IMMT: variants seen among roughly 807,000 people sequenced by gnomAD.
IMMT encodes MICOS complex subunit MIC60.
IMMT carries 40 observed loss-of-function variants against 92.7 expected under a neutral mutation model. The ratio of observed to expected loss-of-function variants is 0.43; its 90% CI spans 0.34 to 0.56. IMMT has a LOEUF of 0.56. Among genes scored for constraint, IMMT ranks in the 20% least tolerant of loss-of-function variants. The pLI, the probability that IMMT is intolerant of heterozygous loss-of-function variation, is 0.03. For missense variants in IMMT, 831 were observed against 912.1 expected (o/e 0.91, Z 1.14); for synonymous variants, 322 against 336.1 (o/e 0.96, Z 0.46).
At chr2:86,169,731 C>T (rs567470750) in intron 6 of IMMT, among the ~76,000 whole-genome samples, 10 of 148,552 alleles carry the variant, frequency 6.7e-5, no homozygotes, top group Admixed American at 2.0e-4. Flanking sequence ...CCTGACCTAC[C>T]GAGGACAGCA....
intron 6 of IMMT, among the ~76,000 whole-genome samples, chr2:86,169,794 G>C (rs1676961021): frequency 1.3e-5 from 2 of 148,832 alleles, no homozygotes; most frequent in Non-Finnish European, 2.9e-5. Context: ...GCTCATGCCT[G>C]TAATCCCAGC....
At chr2:86,155,260 C>A (rs1675774635) in intron 10 of IMMT, among the ~76,000 whole-genome samples, 1 of 152,078 alleles carries the variant, frequency 6.6e-6, no homozygotes, top group Non-Finnish European at 1.5e-5. Flanking sequence ...AACATCACTC[C>A]CTCCTACACC....
At chr2:86,162,338 G>GTTTTTTTTTTTTTTTTT in intron 7 of IMMT, among the ~76,000 whole-genome samples, 138 of 113,710 alleles carry the variant, frequency 1.2e-3, no homozygotes, top group African/African-American at 4.1e-3. Flanking sequence ...TCTAAGGAGA[G>GTTTTTTTTTTTTTTTTT]TTGTTTTTTT....
rs760601137 is a variant in IMMT at position 86,151,405 on chromosome 2, C to T, written c.1293G>A (p.Thr431=). Residue 431 remains threonine, a synonymous_variant, in exon 12 of 15, where the codon ACG becomes ACA. Transcript: ENST00000410111. ...CCAGCTTTTGTTTCTCCAAGGCTAA[C>T]GTGATGTGCTGCTTTTCGGTGGCCT... The part of the protein sequence containing the change: ...EQKATEKQHI[T]LALEKQKLEE... The T allele has an allele frequency of 8.7e-6, 14 of 1,613,952 alleles. No homozygotes were observed. The highest frequency in any genetic ancestry group is 2.2e-5 in the South Asian group (2 of 91,078).
intron 1 of IMMT, among the ~76,000 whole-genome samples, chr2:86,189,396 G>A (rs944806795): frequency 6.6e-5 from 10 of 151,938 alleles, no homozygotes; most frequent in Admixed American, 1.3e-4. Context: ...CACCACACCC[G>A]GCTAATTTTT....
intron 1 of IMMT, among the ~76,000 whole-genome samples, chr2:86,193,371 C>T (rs1300317650): frequency 6.7e-6 from 1 of 148,976 alleles, no homozygotes; most frequent in Admixed American, 6.7e-5. Context: ...TGTGCCACTG[C>T]ACTCCAGCCT....
intron 6 of IMMT, among the ~76,000 whole-genome samples, chr2:86,169,210 C>G (rs1328250141): frequency 6.6e-6 from 1 of 151,848 alleles, no homozygotes; most frequent in African/African-American, 2.4e-5. Context: ...CTCCATCTTA[C>G]GTTTATAACT....
intron 3 of IMMT, among the ~76,000 whole-genome samples, chr2:86,178,498 C>T (rs929809772): frequency 1.1e-4 from 16 of 151,252 alleles, no homozygotes; most frequent in African/African-American, 2.9e-4. Flanking sequence ...TGGTGGCGCC[C>T]GCCTATAATC....
intron 1 of IMMT, among the ~76,000 whole-genome samples, chr2:86,187,635 G>A (rs554975688): frequency 3.9e-5 from 6 of 152,278 alleles, no homozygotes; most frequent in Middle Eastern, 3.4e-3. Context: ...ACACAGCCAG[G>A]CTCAGTCGCT....
intron 1 of IMMT, chr2:86,195,122 T>G (rs546864255): frequency 1.2e-5 from 6 of 486,970 alleles, no homozygotes; most frequent in African/African-American, 1.2e-4. Context: ...CCCGCTACTC[T>G]CCACACCCCA....
At chr2:86,173,580 C>CAAA in intron 4 of IMMT, 70 bp downstream of exon 4, 29 of 771,888 alleles carry the variant, frequency 3.8e-5, no homozygotes, top group Admixed American at 5.5e-5. Flanking sequence ...AACTCCATCT[C>CAAA]AAAAAAAAAA....
At chr2:86,147,623 A>G in intron 13 of IMMT, 79 bp downstream of exon 13, 1 of 1,410,828 alleles carries the variant, frequency 7.1e-7, no homozygotes, top group Non-Finnish European at 9.7e-7. Flanking sequence ...CGACATCCTC[A>G]GAGTACATTA....
chr2:86,178,724 A>G (rs1288074349), intron 3 of IMMT, among the ~76,000 whole-genome samples: 1 of 152,192 alleles, frequency 6.6e-6, no homozygotes, highest in Non-Finnish European at 1.5e-5. Context: ...TTCTACATCC[A>G]TAGATTCAAC....
At chr2:86,146,429 G>A (rs1675021464) in intron 13 of IMMT, among the ~76,000 whole-genome samples, 1 of 150,674 alleles carries the variant, frequency 6.6e-6, no homozygotes, top group African/African-American at 2.4e-5. Flanking sequence ...GGAGTGCAGT[G>A]GCACAATCTT....
In IMMT at chr2:86,144,769, C is replaced by T; in HGVS notation, c.1776G>A (p.Leu592=). The change falls in exon 15 of 15, where the codon CTG becomes CTA. Residue 592 remains leucine (L), a synonymous_variant. Transcript: ENST00000410111. ...TSSAETPTIP[L]GSAVEAIKAN... ...CTTTGATGGCCTCAACTGCACTACC[C>T]AGCGGGATAGTAGGTGTTTCTGCAG... The T allele has an allele frequency of 6.2e-7, 1 of 1,613,638 alleles. No homozygotes were observed.
chr2:86,144,928 C>T (rs1340757278), intron 14 of IMMT, 47 bp from the exon 15 acceptor site: 23 of 1,540,676 alleles, frequency 1.5e-5, no homozygotes, highest in East Asian at 4.5e-5. Flanking sequence ...CTCCATCTGA[C>T]AACATACATC....
chr2:86,178,057 T>G (rs1677552487), intron 3 of IMMT, among the ~76,000 whole-genome samples: 1 of 152,126 alleles, frequency 6.6e-6, no homozygotes, highest in Non-Finnish European at 1.5e-5. Context: ...GGCTCAAGCC[T>G]GTAATCCCAG....
chr2:86,186,691 G>C (rs536975910), intron 1 of IMMT, among the ~76,000 whole-genome samples: 2 of 152,254 alleles, frequency 1.3e-5, no homozygotes, highest in South Asian at 4.2e-4. Flanking sequence ...GAAGACTTGG[G>C]GATGACTGTA....
At chr2:86,167,603 G>A (rs1367636983) in intron 6 of IMMT, among the ~76,000 whole-genome samples, 1 of 150,276 alleles carries the variant, frequency 6.7e-6, no homozygotes, top group Non-Finnish European at 1.5e-5. Flanking sequence ...TCCTGCCTCA[G>A]CCTCCTGAGT....
Sources: allele counts gnomAD v4.1 joint callset (sites outside exome capture counted in the v4.1 genomes callset), GRCh38; gene constraint gnomAD v4.1.1; transcripts MANE v1.5; gene names NCBI Gene and HGNC (gene_info 2026-07-23, HGNC 2026-07-21).